NR6A1: variants seen among roughly 807,000 people sequenced by gnomAD.
NR6A1 encodes the protein nuclear receptor subfamily 6 group A member 1.
A neutral mutation model predicts 59.1 loss-of-function variants in NR6A1; 7 were observed. The observed-to-expected ratio is 0.12, with a 90% CI of 0.07 to 0.22. The LOEUF is 0.22. Ranked by LOEUF, NR6A1 falls within the 10% of genes least tolerant of loss-of-function variation. NR6A1 has a pLI of 1.00. For synonymous variants in NR6A1, 243 were observed against 236.1 expected, an observed-to-expected ratio of 1.03 and a Z score of -0.27; for missense variants, 468 against 611.6, an observed-to-expected ratio of 0.77 and a Z score of 2.48.
intron 1 of NR6A1, among the ~76,000 whole-genome samples, chr9:124,738,409 TGTATG>T (rs1840076812): frequency 6.6e-6 from 1 of 152,196 alleles, no homozygotes; most frequent in Non-Finnish European, 1.5e-5. Flanking sequence ...CCAGGGTCTT[TGTATG>T]GTGACTTAAA....
At chr9:124,612,986 C>T (rs530838679) in intron 2 of NR6A1, among the ~76,000 whole-genome samples, 1 of 152,254 alleles carries the variant, frequency 6.6e-6, no homozygotes, top group African/African-American at 2.4e-5. Context: ...TACAGAAGTA[C>T]TTGTGCAGGA....
At position 124,543,754 on chromosome 9, in the gene NR6A1, G is replaced by C. The variant is rs371803423; in HGVS notation, c.441+48C>G. On this transcript the variant is annotated intron_variant, in intron 4 of 9. Coordinates refer to ENST00000487099, the MANE Select transcript of NR6A1 (RefSeq NM_033334.4). ...GTGAGCAGTTTCAGGAACAGCTGGAGCCCTGGGCTTCCAGGACGGACCACA... is the reference window on the plus strand; with the variant it reads ...GTGAGCAGTTTCAGGAACAGCTGGACCCCTGGGCTTCCAGGACGGACCACA... 2.4e-4 allele frequency: 355 copies of C among 1,468,698 alleles called. 2 individuals are homozygous for C. In the African/African-American group the frequency reaches 3.8e-3, roughly 16 times the overall value. The allele number at this position is 1,468,698 out of a possible 1,614,324, so 91.0% of individuals were successfully genotyped here. A position where few individuals can be genotyped will look rare whatever the true frequency, so the allele number is the denominator to read the frequency against.
intron 2 of NR6A1, among the ~76,000 whole-genome samples, chr9:124,585,329 G>A (rs1161964718): frequency 2.6e-5 from 4 of 151,924 alleles, no homozygotes; most frequent in East Asian, 3.9e-4. Flanking sequence ...TCATGAGGTC[G>A]GGAGATCGAG....
chr9:124,639,302 T>C (rs1836705374), intron 2 of NR6A1, among the ~76,000 whole-genome samples: 2 of 152,218 alleles, frequency 1.3e-5, no homozygotes, highest in East Asian at 1.9e-4. Flanking sequence ...AGAAAGAACA[T>C]GCCAACAATA....
intron 2 of NR6A1, among the ~76,000 whole-genome samples, chr9:124,630,080 T>A (rs1836379313): frequency 6.6e-6 from 1 of 152,096 alleles, no homozygotes; most frequent in Non-Finnish European, 1.5e-5. Flanking sequence ...CAGTTCCAGA[T>A]CAAAGCAAAT....
At chr9:124,721,270 TC>T (rs1330271539) in intron 2 of NR6A1, among the ~76,000 whole-genome samples, 2 of 151,972 alleles carry the variant, frequency 1.3e-5, no homozygotes, top group Admixed American at 6.6e-5. Context: ...CCATAGGGAG[TC>T]CCTACCAAGT....
chr9:124,686,731 T>C (rs1588784731), intron 2 of NR6A1, among the ~76,000 whole-genome samples: 1 of 145,906 alleles, frequency 6.9e-6, no homozygotes, highest in East Asian at 2.0e-4. Flanking sequence ...TGTGACAGGG[T>C]CACTCTGTGT....
intron 1 of NR6A1, among the ~76,000 whole-genome samples, chr9:124,740,242 T>A (rs1840138087): frequency 6.6e-6 from 1 of 152,142 alleles, no homozygotes; most frequent in African/African-American, 2.4e-5. Flanking sequence ...CTCCTCTAAT[T>A]TCCCCCTCCC....
At position 124,771,214 on chromosome 9, in the gene NR6A1, C is replaced by T. The variant is rs965935565; in HGVS notation, c.-95G>A. 4.4e-6 allele frequency: 3 copies of T among 674,682 alleles called. No homozygotes were observed. Among genetic ancestry groups the T allele is most frequent in the Non-Finnish European group, 6.3e-6 (3 of 478,932 alleles). 41.8% of individuals were successfully genotyped at this position (674,682 alleles called of 1,614,324 possible). On this transcript the variant is annotated 5_prime_UTR_variant, in exon 1 of 10. Transcript: ENST00000487099. ...TCGTCCGCCGAGGGGAGGAGGTTGT[C>T]AGGAGCCCGCGAGCTCCCGGCCGCG... is the stretch of plus-strand genomic sequence containing the variant.
At chr9:124,531,760 C>G (rs1243709248) in intron 7 of NR6A1, among the ~76,000 whole-genome samples, 1 of 152,214 alleles carries the variant, frequency 6.6e-6, no homozygotes, top group African/African-American at 2.4e-5. Flanking sequence ...ACCTGCCTGG[C>G]TAGTCCAAAA....
At chr9:124,591,104 C>G (rs1564192921) in intron 2 of NR6A1, among the ~76,000 whole-genome samples, 2 of 152,212 alleles carry the variant, frequency 1.3e-5, no homozygotes, top group Non-Finnish European at 2.9e-5. Flanking sequence ...TTCCAAAGAG[C>G]CCCTCCCTTA....
intron 1 of NR6A1, among the ~76,000 whole-genome samples, chr9:124,766,766 A>G: frequency 6.6e-6 from 1 of 152,376 alleles, no homozygotes; most frequent in Middle Eastern, 3.4e-3. Context: ...ATTTGCTGAC[A>G]ATGAAGTCTC....
chr9:124,641,132 A>G (rs1204680141), intron 2 of NR6A1, among the ~76,000 whole-genome samples: 1 of 152,032 alleles, frequency 6.6e-6, no homozygotes, highest in African/African-American at 2.4e-5. Context: ...CAGACAGATC[A>G]CCTGAGGTCA....
At chr9:124,681,830 A>C (rs1451294300) in intron 2 of NR6A1, among the ~76,000 whole-genome samples, 1 of 152,236 alleles carries the variant, frequency 6.6e-6, no homozygotes, top group African/African-American at 2.4e-5. Context: ...AGTATTTTCC[A>C]AATGACCAAT....
At chr9:124,692,040 A>T (rs976563681) in intron 2 of NR6A1, among the ~76,000 whole-genome samples, 1 of 152,188 alleles carries the variant, frequency 6.6e-6, no homozygotes, top group Admixed American at 6.5e-5. Context: ...GCTCCTGGCA[A>T]TGTAACTTTA....
intron 2 of NR6A1, among the ~76,000 whole-genome samples, chr9:124,716,283 C>T (rs1839415205): frequency 6.6e-6 from 1 of 152,190 alleles, no homozygotes; most frequent in South Asian, 2.1e-4. Context: ...AAAAGACTTT[C>T]ATTCCTACCT....
intron 2 of NR6A1, among the ~76,000 whole-genome samples, chr9:124,644,443 G>A (rs2480119): frequency 1.3e-5 from 2 of 151,840 alleles, no homozygotes; most frequent in Non-Finnish European, 2.9e-5. Flanking sequence ...GTAGAGACAG[G>A]GTTTCACCAT....
At chr9:124,668,695 A>G (rs1465171198) in intron 2 of NR6A1, among the ~76,000 whole-genome samples, 2 of 152,120 alleles carry the variant, frequency 1.3e-5, no homozygotes, top group African/African-American at 2.4e-5. Flanking sequence ...GTTTTTGTAG[A>G]TATCTGGATG....
Position 124,675,350 on chromosome 9 carries a change from A to T in NR6A1, c.142+57958T>A, listed in dbSNP as rs189731588. ...CTCCTACCAGACTGTAACTTCTCGA[A>T]AAAATACTTTATTCATCACCAGCAT... On this transcript the variant is annotated intron_variant, in intron 2 of 9. Transcript: ENST00000487099. Among the ~76,000 whole-genome samples, 3 of 152,360 alleles carry T rather than the reference A, an allele frequency of 2.0e-5. No individual in the cohort carries two copies. In the East Asian group the frequency reaches 5.8e-4, roughly 29 times the overall value.
Sources: gnomAD v4.1 joint callset for allele counts (sites outside exome capture counted in the v4.1 genomes callset) on GRCh38, gnomAD v4.1.1 for gene constraint, MANE v1.5 for transcripts, NCBI Gene and HGNC (gene_info 2026-07-23, HGNC 2026-07-21) for gene names.